ZNF562: variants seen among roughly 807,000 people sequenced by gnomAD.
ZNF562 encodes the protein zinc finger protein 562.
Under a neutral mutation model 17.5 loss-of-function variants are expected in ZNF562, and 13 were observed. The ratio of observed to expected loss-of-function variants is 0.74; its 90% CI spans 0.48 to 1.18. The LOEUF is 1.18. Among genes scored for constraint, ZNF562 ranks in the 50% most tolerant of loss-of-function variants. The pLI, the probability that ZNF562 is intolerant of heterozygous loss-of-function variation, is 0.00. For missense variants in ZNF562, 481 were observed against 498.5 expected (o/e 0.96, Z 0.33); for synonymous variants, 163 against 165.4 (o/e 0.99, Z 0.11).
intron 1 of ZNF562, among the ~76,000 whole-genome samples, chr19:9,668,972 A>T (rs1326702010): frequency 2.0e-5 from 3 of 152,166 alleles, no homozygotes; most frequent in African/African-American, 7.2e-5. Context: ...GTCAAAACAG[A>T]TTAAAGACTT....
intron 1 of ZNF562, among the ~76,000 whole-genome samples, chr19:9,672,229 T>G (rs2075114118): frequency 6.6e-6 from 1 of 152,290 alleles, no homozygotes; most frequent in Non-Finnish European, 1.5e-5. Flanking sequence ...CCCAAGAGCA[T>G]ACGTTGAATC....
At chr19:9,656,701 C>T (rs749567203) in intron 4 of ZNF562, 48 bp from the exon 5 acceptor site, 2 of 1,575,300 alleles carry the variant, frequency 1.3e-6, no homozygotes, top group Admixed American at 1.7e-5. Flanking sequence ...AGTCATTTGT[C>T]CTTGTTTTCA....
rs2074803309 is a variant in ZNF562 at position 9,645,950 on chromosome 19, C to T, written c.*6999G>A. The T allele has an allele frequency of 6.6e-6, 1 of 150,768 alleles. No homozygotes were observed. The highest frequency in any genetic ancestry group is 6.6e-5 in the Admixed American group (1 of 15,146). The allele number at this position is 150,768 out of a possible 1,614,324, so 9.3% of individuals were successfully genotyped here. The stretch of plus-strand genomic sequence containing the variant: ...ACACATCAGTACAAAGAGGGGAACA[C>T]AATGAAACAAACAAAAAAAATTAGA... On this transcript the variant is annotated 3_prime_UTR_variant, in exon 6 of 6. Coordinates refer to ENST00000453372, the MANE Select transcript of ZNF562 (RefSeq NM_001130031.2).
intron 2 of ZNF562, among the ~76,000 whole-genome samples, chr19:9,660,298 A>G (rs2043688035): frequency 6.6e-6 from 1 of 151,818 alleles, no homozygotes; most frequent in Non-Finnish European, 1.5e-5. Flanking sequence ...ATAAAATAAA[A>G]GAGCATTCTG....
intron 1 of ZNF562, among the ~76,000 whole-genome samples, chr19:9,669,704 A>G (rs1334074342): frequency 9.4e-6 from 1 of 106,724 alleles, no homozygotes; most frequent in East Asian, 2.9e-4. Flanking sequence ...ACCTGTCTGC[A>G]TGCACGCGCG....
chr19:9,671,736 C>T (rs1035995713), intron 1 of ZNF562, among the ~76,000 whole-genome samples: 10 of 152,194 alleles, frequency 6.6e-5, no homozygotes, highest in Non-Finnish European at 1.0e-4. Flanking sequence ...TGGAAGCCTC[C>T]GGCATGCACC....
In ZNF562 at chr19:9,663,569, G is replaced by GT. The variant is rs138613048; in HGVS notation, c.-130-2696dup. ...TCACACTGGTTGACTGTGTAGATGG[G>GT]TTTTTTTTTGTTTTGTTTTTGTTTT... is the stretch of plus-strand genomic sequence containing the variant. On this transcript the variant is annotated intron_variant, in intron 1 of 5. Coordinates refer to ENST00000453372, the MANE Select transcript of ZNF562 (RefSeq NM_001130031.2). Among the ~76,000 whole-genome samples, 383 of 149,294 alleles carry GT rather than the reference G, an allele frequency of 2.6e-3. 3 individuals carry two copies. The highest frequency in any genetic ancestry group is 8.7e-3 in the African/African-American group (354 of 40,638).
intron 1 of ZNF562, among the ~76,000 whole-genome samples, chr19:9,669,878 A>G (rs2044119727): frequency 6.6e-6 from 1 of 151,960 alleles, no homozygotes; most frequent in Admixed American, 6.6e-5. Context: ...CCTGGTCAAC[A>G]TGGTGAAACT....
intron 4 of ZNF562, among the ~76,000 whole-genome samples, chr19:9,657,077 A>G (rs1319077204): frequency 6.7e-6 from 1 of 149,946 alleles, no homozygotes; most frequent in East Asian, 2.0e-4. Flanking sequence ...GAGAACCTTG[A>G]GGATTTTGGT....
intron 3 of ZNF562, among the ~76,000 whole-genome samples, chr19:9,658,639 C>G (rs571008897): frequency 1.3e-5 from 2 of 152,206 alleles, no homozygotes; most frequent in East Asian, 3.9e-4. Context: ...TGTGAGACAC[C>G]ATGCCCATCT....
At chr19:9,672,531 C>T (rs1486805701) in intron 1 of ZNF562, among the ~76,000 whole-genome samples, 1 of 151,852 alleles carries the variant, frequency 6.6e-6, no homozygotes, top group Non-Finnish European at 1.5e-5. Flanking sequence ...TCAAATTTTT[C>T]AGAAAAAAAT....
chr19:9,671,783 G>A (rs2044209568), intron 1 of ZNF562, among the ~76,000 whole-genome samples: 1 of 152,244 alleles, frequency 6.6e-6, no homozygotes, highest in Non-Finnish European at 1.5e-5. Context: ...TGGTATTGCA[G>A]AGTCAATCCA....
Position 9,647,202 on chromosome 19 carries a change from C to T in ZNF562, c.*5747G>A, listed in dbSNP as rs1222418860. 1 of 152,028 alleles carries T rather than the reference C, an allele frequency of 6.6e-6. No individual in the cohort carries two copies. Among genetic ancestry groups the T allele is most frequent in the African/African-American group, 2.4e-5 (1 of 41,350 alleles). The allele number at this position is 152,028 out of a possible 1,614,324, so 9.4% of individuals were successfully genotyped here. A position where few individuals can be genotyped will look rare whatever the true frequency, so the allele number is the denominator to read the frequency against. On this transcript the variant is annotated 3_prime_UTR_variant, in exon 6 of 6. Transcript: ENST00000453372. ...GTTCAAGAGATTCTCCTGCCTCAGC[C>T]TCCTGAGTAGCTGGGATTACAGGGG...
rs1217455242 is a variant in ZNF562, at chr19:9,641,951, G to T, written c.*10998C>A. ...AGGAGCAATTTTTTTTGTAGGCAGT[G>T]GGGTGGACGTTACAAAGTACATTCT... is the stretch of plus-strand genomic sequence containing the variant. On this transcript the variant is annotated 3_prime_UTR_variant, in exon 6 of 6. Coordinates refer to ENST00000453372, the MANE Select transcript of ZNF562 (RefSeq NM_001130031.2). The T allele has an allele frequency of 6.6e-6, 1 of 152,094 alleles. No individual in the cohort carries two copies. Among genetic ancestry groups the T allele is most frequent in the Non-Finnish European group, 1.5e-5 (1 of 68,038 alleles). 9.4% of individuals were successfully genotyped at this position (152,094 alleles called of 1,614,324 possible).
At chr19:9,666,648 G>C (rs964326398) in intron 1 of ZNF562, among the ~76,000 whole-genome samples, 1 of 151,710 alleles carries the variant, frequency 6.6e-6, no homozygotes, top group African/African-American at 2.4e-5. Flanking sequence ...CCTTCGGCTA[G>C]ACTAAGGGAA....
At chr19:9,669,740 A>G (rs1388974251) in intron 1 of ZNF562, among the ~76,000 whole-genome samples, 301 of 136,788 alleles carry the variant, frequency 2.2e-3, no homozygotes, top group African/African-American at 3.9e-3. Flanking sequence ...GCGCGCACAC[A>G]CACACACACA....
intron 3 of ZNF562, chr19:9,658,438 C>T: frequency 1.5e-6 from 1 of 668,606 alleles, no homozygotes; most frequent in Non-Finnish European, 1.8e-6. Flanking sequence ...CAACCTCCAC[C>T]TCCTAAGTTC....
chr19:9,657,979 C>T, intron 4 of ZNF562, 30 bp downstream of exon 4: 4 of 1,597,028 alleles, frequency 2.5e-6, no homozygotes, highest in Non-Finnish European at 3.4e-6. Context: ...GTGCAGGCCA[C>T]CATGCCAAGC....
Position 9,656,871 on chromosome 19 carries a change from A to AAAAAATATATAT in ZNF562, c.242-219_242-218insATATATATTTTT, listed in dbSNP as rs376933513. On this transcript the variant is annotated intron_variant, in intron 4 of 5. Transcript: ENST00000453372. ...AACCCTCTCTCTAGTAAAATACAAA[A>AAAAAATATATAT]ATATATATATATATATATATTAGCC... 7.4e-4 allele frequency among the ~76,000 whole-genome samples: 105 copies of AAAAAATATATAT among 142,436 alleles called. 1 individual carries two copies. Among genetic ancestry groups the AAAAAATATATAT allele is most frequent in the African/African-American group, 2.0e-3 (76 of 38,628 alleles). 93.4% of individuals were successfully genotyped at this position (142,436 alleles called of 152,430 possible).
Sources: allele counts gnomAD v4.1 joint callset (sites outside exome capture counted in the v4.1 genomes callset), GRCh38; gene constraint gnomAD v4.1.1; transcripts MANE v1.5; gene names NCBI Gene and HGNC (gene_info 2026-07-23, HGNC 2026-07-21).